WT1: variants seen among roughly 807,000 people sequenced by gnomAD.
WT1 encodes the protein Wilms tumor protein.
WT1 carries 8 observed loss-of-function variants against 60.8 expected under a neutral mutation model. The ratio of observed to expected loss-of-function variants is 0.13; its 90% CI spans 0.08 to 0.24. The LOEUF is 0.24. Among genes scored for constraint, WT1 ranks in the 10% least tolerant of loss-of-function variants. The pLI, the probability that WT1 is intolerant of heterozygous loss-of-function variation, is 1.00. For missense variants in WT1, 568 were observed against 711.8 expected (o/e 0.80, Z 2.30); for synonymous variants, 312 against 297.1 (o/e 1.05, Z -0.52).
chr11:32,399,595 G>T (rs747883215), intron 6 of WT1, among the ~76,000 whole-genome samples: 1 of 152,206 alleles, frequency 6.6e-6, no homozygotes, highest in East Asian at 1.9e-4. Flanking sequence ...TTACGATGTA[G>T]ACCAAATCTT....
intron 5 of WT1, among the ~76,000 whole-genome samples, chr11:32,410,087 T>C (rs1852448425): frequency 6.6e-6 from 1 of 152,124 alleles, no homozygotes; most frequent in African/African-American, 2.4e-5. Context: ...TGTGCAACTA[T>C]GCTCAGCTAA....
At chr11:32,401,447 T>C (rs1451996987) in intron 5 of WT1, among the ~76,000 whole-genome samples, 1 of 151,480 alleles carries the variant, frequency 6.6e-6, no homozygotes, top group East Asian at 1.9e-4. Flanking sequence ...CATTGTACAC[T>C]CTAAATCGGT....
At chr11:32,420,749 T>A (rs1482971744) in intron 3 of WT1, among the ~76,000 whole-genome samples, 1 of 152,166 alleles carries the variant, frequency 6.6e-6, no homozygotes, top group Non-Finnish European at 1.5e-5. Flanking sequence ...CAAGGGAGCA[T>A]CATGACCTAC....
At chr11:32,430,906 T>G in intron 1 of WT1, 1 of 1,112,094 alleles carries the variant, frequency 9.0e-7, no homozygotes, top group Non-Finnish European at 1.1e-6. Flanking sequence ...GCGCTTGGCC[T>G]GGCGCGGAGA....
At chr11:32,421,717 A>C (rs1183024205) in intron 3 of WT1, among the ~76,000 whole-genome samples, 1 of 152,250 alleles carries the variant, frequency 6.6e-6, no homozygotes, top group Non-Finnish European at 1.5e-5. Flanking sequence ...GCACAAAAAG[A>C]AAGGAAGAAA....
intron 1 of WT1, among the ~76,000 whole-genome samples, chr11:32,429,460 A>AT (rs1454719452): frequency 7.5e-5 from 6 of 79,996 alleles, no homozygotes; most frequent in African/African-American, 1.1e-4. Flanking sequence ...AAATCCTAGC[A>AT]TTCCCCCCCC....
chr11:32,401,774 A>G (rs1852166582), intron 5 of WT1, among the ~76,000 whole-genome samples: 1 of 152,158 alleles, frequency 6.6e-6, no homozygotes, highest in South Asian at 2.1e-4. Context: ...TCCTGGCCTT[A>G]AATGATCCAC....
intron 1 of WT1, among the ~76,000 whole-genome samples, chr11:32,430,264 G>A (rs1181118602): frequency 1.3e-5 from 2 of 152,102 alleles, no homozygotes; most frequent in Non-Finnish European, 2.9e-5. Flanking sequence ...GGGCGAGCAC[G>A]TTTGGGCTTC....
At chr11:32,399,711 GA>G (rs1852087975) in intron 6 of WT1, among the ~76,000 whole-genome samples, 1 of 152,342 alleles carries the variant, frequency 6.6e-6, no homozygotes. Flanking sequence ...GCAGAAAGGA[GA>G]GGATTCTGTT....
intron 6 of WT1, among the ~76,000 whole-genome samples, chr11:32,397,633 T>C (rs961994034): frequency 6.6e-6 from 1 of 152,098 alleles, no homozygotes; most frequent in Non-Finnish European, 1.5e-5. Flanking sequence ...AGTGCATCCA[T>C]GTTTTGTGCT....
intron 5 of WT1, among the ~76,000 whole-genome samples, chr11:32,403,503 G>C (rs1238164711): frequency 6.6e-6 from 1 of 151,812 alleles, no homozygotes; most frequent in Non-Finnish European, 1.5e-5. Flanking sequence ...CATTTTAGGA[G>C]AGCTTTAAAA....
intron 1 of WT1, among the ~76,000 whole-genome samples, chr11:32,432,803 A>G (rs574628573): frequency 6.6e-6 from 1 of 152,348 alleles, no homozygotes; most frequent in African/African-American, 2.4e-5. Context: ...AGGGCTGGAC[A>G]AGGGACCCAA....
intron 5 of WT1, among the ~76,000 whole-genome samples, chr11:32,407,275 T>C (rs894842353): frequency 2.6e-5 from 4 of 152,178 alleles, no homozygotes; most frequent in Admixed American, 2.6e-4. Flanking sequence ...AACAAAACAC[T>C]TAACATTGCA....
rs1416249232 is a variant in WT1 at position 32,398,183 on chromosome 11, T to C, written c.1113+1765A>G. On this transcript the variant is annotated intron_variant, in intron 6 of 9. Coordinates refer to ENST00000452863, the MANE Select transcript of WT1 (RefSeq NM_024426.6). ...TTGGGAGTAGGGAGCACACTGTTCT[T>C]TCTTCGTGACACTTCTGGAAACATT... is the stretch of plus-strand genomic sequence containing the variant. 2.0e-5 allele frequency among the ~76,000 whole-genome samples: 3 copies of C among 152,166 alleles called. No individual in the cohort carries two copies. In the East Asian group the frequency reaches 5.8e-4, roughly 29 times the overall value.
intron 6 of WT1, 30 bp from the exon 7 acceptor site, chr11:32,396,437 C>T: frequency 6.2e-7 from 1 of 1,611,344 alleles, no homozygotes; most frequent in Non-Finnish European, 8.5e-7. Flanking sequence ...GGAAGGGAGG[C>T]TTTAAGCCAC....
In WT1 at chr11:32,435,309, C is replaced by A; in HGVS notation, c.52G>T (p.Ala18Ser). ...CCGGAGCGGAGCGTGTGCTGAGACG[C>A]CGGCTCCGGGACACACGTGGAAGCC... The change falls in exon 1 of 10, where the codon GCG becomes TCG. Residue 18 changes from alanine (A) to serine (S), a missense_variant. Transcript: ENST00000452863. 6.5e-7 allele frequency: 1 copy of A among 1,533,060 alleles called. No homozygotes were observed. The highest frequency in any genetic ancestry group is 8.7e-7 in the Non-Finnish European group (1 of 1,146,340). 95.0% of individuals were successfully genotyped at this position (1,533,060 alleles called of 1,614,324 possible).
Position 32,421,308 on chromosome 11 carries a change from C to A in WT1, c.888-3654G>T, listed in dbSNP as rs573308344. Among the ~76,000 whole-genome samples, 131 of 152,320 alleles carry A rather than the reference C, an allele frequency of 8.6e-4. 3 individuals carry two copies. The South Asian group carries it at 0.027, about 31-fold the overall frequency. ...AATTACTCAATAACCACTGTAGGTGCCACCACCTCATTCCCAGAGGAGATC... is the reference window on the plus strand; with the variant it reads ...AATTACTCAATAACCACTGTAGGTGACACCACCTCATTCCCAGAGGAGATC... On this transcript the variant is annotated intron_variant, in intron 3 of 9. Transcript: ENST00000452863.
At chr11:32,426,062 C>T (rs1853024976) in intron 3 of WT1, among the ~76,000 whole-genome samples, 1 of 152,176 alleles carries the variant, frequency 6.6e-6, no homozygotes, top group Non-Finnish European at 1.5e-5. Context: ...TGATGGACCC[C>T]TTCCTAGGGT....
intron 1 of WT1, among the ~76,000 whole-genome samples, chr11:32,434,314 T>C (rs1853412345): frequency 6.6e-6 from 1 of 152,242 alleles, no homozygotes; most frequent in South Asian, 2.1e-4. Flanking sequence ...AGCGCTACGC[T>C]TGGTGACAAT....
Sources: allele counts gnomAD v4.1 joint callset (sites outside exome capture counted in the v4.1 genomes callset), GRCh38; gene constraint gnomAD v4.1.1; transcripts MANE v1.5; gene names NCBI Gene and HGNC (gene_info 2026-07-23, HGNC 2026-07-21).